LAMC3: variants seen among roughly 807,000 people sequenced by gnomAD.
The protein encoded by LAMC3 is laminin subunit gamma 3.
In LAMC3, 128 loss-of-function variants were observed where a neutral mutation model predicts 173.8. That is an observed-to-expected ratio of 0.74 (90% CI 0.64 to 0.85). The LOEUF is 0.85. Ranked by LOEUF, LAMC3 falls within the 40% of genes least tolerant of loss-of-function variation. The probability of loss-of-function intolerance (pLI) is 0.00; values close to 1 mark genes in which losing one functional copy is unlikely to be tolerated. For missense variants in LAMC3, 2,022 were observed against 2,156.0 expected, an observed-to-expected ratio of 0.94 and a Z score of 1.23; for synonymous variants, 897 against 909.1, an observed-to-expected ratio of 0.99 and a Z score of 0.24.
chr9:131,033,206 G>A (rs1246275908), intron 3 of LAMC3, among the ~76,000 whole-genome samples: 2 of 152,236 alleles, frequency 1.3e-5, no homozygotes, highest in Non-Finnish European at 2.9e-5. Context: ...GGCAGTGGGT[G>A]CCCAGGGAGG....
At chr9:131,087,909 C>T in intron 27 of LAMC3, 92 bp downstream of exon 27, 1 of 975,606 alleles carries the variant, frequency 1.0e-6, no homozygotes, top group Non-Finnish European at 1.6e-6. Flanking sequence ...GGAAGATTTC[C>T]TCCTTGTCCT....
intron 6 of LAMC3, 22 bp downstream of exon 6, chr9:131,039,270 G>A (rs1834001755): frequency 1.3e-6 from 2 of 1,573,458 alleles, no homozygotes; most frequent in Non-Finnish European, 1.7e-6. Flanking sequence ...GGGCGGCCCA[G>A]TATGGACACA....
chr9:131,028,972 G>A (rs1833778910), intron 2 of LAMC3, among the ~76,000 whole-genome samples: 1 of 152,208 alleles, frequency 6.6e-6, no homozygotes, highest in African/African-American at 2.4e-5. Flanking sequence ...CTGAAGTCCA[G>A]GGTTTTTACT....
At chr9:131,012,622 G>T (rs570867138) in intron 1 of LAMC3, among the ~76,000 whole-genome samples, 1 of 152,360 alleles carries the variant, frequency 6.6e-6, no homozygotes, top group Non-Finnish European at 1.5e-5. Flanking sequence ...ACTTAGGTTT[G>T]CTCCAGGCTA....
chr9:131,071,857 C>T lies in LAMC3; in HGVS notation c.3211+232C>T, dbSNP rs113570554. Among the ~76,000 whole-genome samples the T allele has an allele frequency of 1.9e-3, 289 of 152,360 alleles. 1 individual carries two copies. Among genetic ancestry groups the T allele is most frequent in the Middle Eastern group, 3.4e-3 (1 of 294 alleles). On this transcript the variant is annotated intron_variant, in intron 18 of 27. Transcript: ENST00000361069. Reference sequence around the variant, plus strand: ...GGGGCTGGGCTCATTCATTTATTCACTCCCTCCACAGGGGTGTCATGAGGC... The same window carrying T: ...GGGGCTGGGCTCATTCATTTATTCATTCCCTCCACAGGGGTGTCATGAGGC...
intron 6 of LAMC3, among the ~76,000 whole-genome samples, 157 bp downstream of exon 6, chr9:131,039,405 A>G (rs1834004322): frequency 6.6e-6 from 1 of 152,124 alleles, no homozygotes; most frequent in African/African-American, 2.4e-5. Context: ...GCTCCTGGAG[A>G]GGCCAAGAGA....
In LAMC3 at chr9:131,026,741, G is replaced by T; in HGVS notation, c.678+152G>T. On this transcript the variant is annotated intron_variant, in intron 2 of 27. Coordinates refer to ENST00000361069, the MANE Select transcript of LAMC3 (RefSeq NM_006059.4). This position sits in a 1 kb window ranked among gnomAD's most constrained non-coding sequence, Gnocchi z 4.8. ...CTTTTATTTTTGGAGACTGAGTCTTGCTCTGTCGCCCAGGCTGGAGTGCAG... is the reference window on the plus strand; with the variant it reads ...CTTTTATTTTTGGAGACTGAGTCTTTCTCTGTCGCCCAGGCTGGAGTGCAG... 5.9e-6 allele frequency: 8 copies of T among 1,345,228 alleles called. No individual in the cohort carries two copies. Among genetic ancestry groups the T allele is most frequent in the Non-Finnish European group, 7.8e-6 (8 of 1,020,466 alleles). The allele number at this position is 1,345,228 out of a possible 1,614,324, so 83.3% of individuals were successfully genotyped here. A position where few individuals can be genotyped will look rare whatever the true frequency, so the allele number is the denominator to read the frequency against.
intron 20 of LAMC3, among the ~76,000 whole-genome samples, chr9:131,074,741 A>C (rs538901673): frequency 6.6e-6 from 1 of 151,798 alleles, no homozygotes; most frequent in Non-Finnish European, 1.5e-5. Flanking sequence ...TCCTAAAAAC[A>C]CAGGATCTGT....
intron 27 of LAMC3, among the ~76,000 whole-genome samples, chr9:131,090,162 C>T (rs1413060487): frequency 6.6e-6 from 1 of 152,140 alleles, no homozygotes; most frequent in African/African-American, 2.4e-5. Context: ...CGTGGCTCAC[C>T]TGCGGGTCCA....
chr9:131,047,165 C>CTTTTTTTTTTTTTTTTTTTTTTTTTT lies in LAMC3; in HGVS notation c.1519+1522_1519+1523insTTTTTTTTTTTTTTTTTTTTTTTTTT, dbSNP rs398012456. ...AAAACTTTTTGGTCTCTGAATTCCTCTTTTTTTTTTTTTTTTTAAGACGGA... is the reference window on the plus strand; with the variant it reads ...AAAACTTTTTGGTCTCTGAATTCCTCTTTTTTTTTTTTTTTTTTTTTTTTTTTTTTTTTTTTTTTTTTTAAGACGGA... On this transcript the variant is annotated intron_variant, in intron 8 of 27. Coordinates refer to ENST00000361069, the MANE Select transcript of LAMC3 (RefSeq NM_006059.4). Among the ~76,000 whole-genome samples the CTTTTTTTTTTTTTTTTTTTTTTTTTT allele has an allele frequency of 4.6e-3, 468 of 102,110 alleles. 51 individuals are homozygous for CTTTTTTTTTTTTTTTTTTTTTTTTTT. The highest frequency in any genetic ancestry group is 6.0e-3 in the Non-Finnish European group (313 of 52,504). The allele number at this position is 102,110 out of a possible 152,430, so 67.0% of individuals were successfully genotyped here.
At chr9:131,036,443 G>GA in intron 4 of LAMC3, 111 bp downstream of exon 4, 1 of 1,166,780 alleles carries the variant, frequency 8.6e-7, no homozygotes, top group Non-Finnish European at 1.2e-6. Flanking sequence ...ACGCCCCGGG[G>GA]GCAGCTCGGG....
chr9:131,032,915 G>A (rs1054531009), intron 3 of LAMC3, among the ~76,000 whole-genome samples: 5 of 152,224 alleles, frequency 3.3e-5, no homozygotes, highest in Non-Finnish European at 5.9e-5. Context: ...TGATCTGCCC[G>A]CCTTGGCCTC....
intron 1 of LAMC3, among the ~76,000 whole-genome samples, chr9:131,013,545 C>T (rs1304355125): frequency 6.6e-6 from 1 of 152,166 alleles, no homozygotes; most frequent in Non-Finnish European, 1.5e-5. Flanking sequence ...GTGAACAGGG[C>T]CATGTGCGGC....
chr9:131,035,412 C>T (rs1467321340), intron 3 of LAMC3, among the ~76,000 whole-genome samples: 1 of 150,830 alleles, frequency 6.6e-6, no homozygotes, highest in African/African-American at 2.4e-5. Flanking sequence ...AGAGCAGGAG[C>T]AAGAGAGCAG....
At chr9:131,052,822 A>T (rs753530319) in intron 10 of LAMC3, 28 bp from the exon 11 acceptor site, 5 of 894,502 alleles carry the variant, frequency 5.6e-6, no homozygotes, top group South Asian at 5.2e-5. Flanking sequence ...CTATGTCGGG[A>T]TCTCACTTTG....
Position 131,026,438 on chromosome 9 carries a change from G to A in LAMC3, c.527G>A (p.Gly176Asp). 2 of 1,613,678 alleles carry A rather than the reference G, an allele frequency of 1.2e-6. No individual in the cohort carries two copies. Among genetic ancestry groups the A allele is most frequent in the Non-Finnish European group, 1.7e-6 (2 of 1,179,884 alleles). ...SCQKTYGRPE[G>D]QYLRPGEDER... ...CAGAAGACCTACGGCCGGCCCGAGG[G>A]CCAGTACCTGCGCCCCGGCGAGGAC... The change falls in exon 2 of 28, where the codon GGC becomes GAC. Residue 176 changes from glycine to aspartate, a missense_variant. Transcript: ENST00000361069. The surrounding 1 kb of genome is among the most constrained non-coding windows in gnomAD (Gnocchi z 4.8).
At chr9:131,011,948 AC>A (rs1268501902) in intron 1 of LAMC3, among the ~76,000 whole-genome samples, 1 of 151,936 alleles carries the variant, frequency 6.6e-6, no homozygotes, top group Admixed American at 6.6e-5. Flanking sequence ...TGAGCTGTGC[AC>A]CCTCGTGGAA....
chr9:131,092,700 CCCCG>C lies in LAMC3; in HGVS notation c.*914_*917del, dbSNP rs1371071132. 2 of 152,422 alleles carry C rather than the reference CCCCG, an allele frequency of 1.3e-5. No homozygotes were observed. Among genetic ancestry groups the C allele is most frequent in the Admixed American group, 6.5e-5 (1 of 15,300 alleles). The allele number at this position is 152,422 out of a possible 1,614,324, so 9.4% of individuals were successfully genotyped here. A position where few individuals can be genotyped will look rare whatever the true frequency, so the allele number is the denominator to read the frequency against. On this transcript the variant is annotated 3_prime_UTR_variant, in exon 28 of 28. Transcript: ENST00000361069. ...GGCTACCAGGAGCACGCCTCTGTGC[CCCCG>C]GCAACCCAGTTGACCTTTAATTGAC... is the stretch of plus-strand genomic sequence containing the variant.
At chr9:131,024,702 C>T (rs1467340612) in intron 1 of LAMC3, among the ~76,000 whole-genome samples, 1 of 152,208 alleles carries the variant, frequency 6.6e-6, no homozygotes, top group East Asian at 1.9e-4. Flanking sequence ...TCCCTTCATT[C>T]ATTCGTTCCT....
Sources: gnomAD v4.1 joint callset for allele counts (sites outside exome capture counted in the v4.1 genomes callset) on GRCh38, gnomAD v4.1.1 for gene constraint, Gnocchi (gnomAD v3.1) non-coding constraint, MANE v1.5 for transcripts, NCBI Gene and HGNC (gene_info 2026-07-23, HGNC 2026-07-21) for gene names.